MKLN1: variants seen among roughly 807,000 people sequenced by gnomAD.
The protein encoded by MKLN1 is muskelin 1, also known as muskelin.
MKLN1 carries 18 observed loss-of-function variants against 99.0 expected under a neutral mutation model. The observed-to-expected ratio is 0.18, with a 90% CI of 0.13 to 0.27. The LOEUF (loss-of-function observed/expected upper bound fraction) is 0.27, where lower values mean the gene tolerates loss of function less well. Ranked by LOEUF, MKLN1 falls within the 10% of genes least tolerant of loss-of-function variation. MKLN1 has a pLI of 1.00. For missense variants in MKLN1, 621 were observed against 875.9 expected (o/e 0.71, Z 3.67); for synonymous variants, 288 against 293.2 (o/e 0.98, Z 0.18).
At chr7:131,326,104 G>A (rs990228611), upstream of MKLN1, among the ~76,000 whole-genome samples, 7 of 152,202 alleles carry the variant, frequency 4.6e-5, no homozygotes, top group Non-Finnish European at 1.0e-4. Context: ...AAGGTAAGAA[G>A]TGGAATTATA....
intron 12 of MKLN1, among the ~76,000 whole-genome samples, chr7:131,457,646 G>C (rs373704636): frequency 6.6e-6 from 1 of 152,010 alleles, no homozygotes. Context: ...CCGGGCACGG[G>C]GGCTCACACC....
intron 3 of MKLN1, among the ~76,000 whole-genome samples, chr7:131,294,158 G>A (rs1028146228): frequency 1.3e-5 from 2 of 152,184 alleles, no homozygotes; most frequent in Non-Finnish European, 2.9e-5. Context: ...CATTTGGTAC[G>A]AATGAAGAAA....
intron 17 of MKLN1, among the ~76,000 whole-genome samples, chr7:131,486,701 G>A (rs1337342051): frequency 6.6e-6 from 1 of 152,054 alleles, no homozygotes; most frequent in Non-Finnish European, 1.5e-5. Flanking sequence ...TTCAGGGATA[G>A]GGGAAATTAT....
At chr7:131,215,446 G>A (rs971846213) in intron 3 of MKLN1, among the ~76,000 whole-genome samples, 1 of 152,106 alleles carries the variant, frequency 6.6e-6, no homozygotes, top group Non-Finnish European at 1.5e-5. Context: ...TCTGGCTCAA[G>A]GGATCCTTCT....
intron 12 of MKLN1, among the ~76,000 whole-genome samples, chr7:131,450,543 C>T (rs1273149657): frequency 1.3e-5 from 2 of 152,134 alleles, no homozygotes; most frequent in Non-Finnish European, 2.9e-5. Context: ...TTATGATGTG[C>T]CCCATTTTAG....
intron 3 of MKLN1, among the ~76,000 whole-genome samples, chr7:131,208,080 C>G (rs976806304): frequency 1.6e-4 from 24 of 152,004 alleles, no homozygotes; most frequent in African/African-American, 5.8e-4. Context: ...GAAAATGCTA[C>G]CATATTATTG....
intron 1 of MKLN1, among the ~76,000 whole-genome samples, chr7:131,114,322 G>C (rs1795242570): frequency 6.6e-6 from 1 of 152,144 alleles, no homozygotes; most frequent in Non-Finnish European, 1.5e-5. Context: ...TCAACATGTT[G>C]AGTTGAAGTG....
intron 14 of MKLN1, among the ~76,000 whole-genome samples, 194 bp from the exon 15 acceptor site, chr7:131,466,079 GTTT>G (rs1331291796): frequency 1.3e-5 from 2 of 152,156 alleles, no homozygotes; most frequent in Non-Finnish European, 2.9e-5. Flanking sequence ...CATATGTGCA[GTTT>G]TTTAAAGTAG....
intron 7 of MKLN1, among the ~76,000 whole-genome samples, chr7:131,412,342 A>G (rs1402157220): frequency 6.6e-6 from 1 of 152,216 alleles, no homozygotes; most frequent in Non-Finnish European, 1.5e-5. Flanking sequence ...ACCTTAAGTT[A>G]TGCAAAATTA....
intron 2 of MKLN1, among the ~76,000 whole-genome samples, chr7:131,164,128 T>G (rs1304698767): frequency 2.0e-5 from 3 of 152,210 alleles, no homozygotes; most frequent in Non-Finnish European, 4.4e-5. Flanking sequence ...TTGTTTTTTC[T>G]TGAGACAGGG....
intron 3 of MKLN1, among the ~76,000 whole-genome samples, chr7:131,241,736 C>T (rs910501950): frequency 2.0e-5 from 3 of 152,240 alleles, no homozygotes; most frequent in African/African-American, 7.2e-5. Context: ...TTTTAGCTTT[C>T]ATCTGAATTA....
chr7:131,283,346 CTCCT>C (rs1175927858), intron 3 of MKLN1, among the ~76,000 whole-genome samples: 125 of 51,434 alleles, frequency 2.4e-3, no homozygotes, highest in African/African-American at 7.5e-3. Context: ...TTCCCTTCCC[CTCCT>C]TCCTTCCTTC....
rs1001483569 is a variant in MKLN1, at chr7:131,282,349, C to CAA, written c.-179+79394_-179+79395dup. On this transcript the variant is annotated intron_variant, in intron 3 of 7. Transcript: ENST00000416992. The stretch of plus-strand genomic sequence containing the variant: ...GGGCAACAAGAGTGAAACTCCGTCT[C>CAA]AAAAAAAAAAAAAAAAAAAAGAAAG... 5.9e-3 allele frequency among the ~76,000 whole-genome samples: 388 copies of CAA among 65,560 alleles called. 2 individuals carry two copies. The highest frequency in any genetic ancestry group is 0.01 in the Non-Finnish European group (309 of 29,828). 43.0% of individuals were successfully genotyped at this position (65,560 alleles called of 152,430 possible).
chr7:131,382,355 C>T (rs1023917948), intron 2 of MKLN1, among the ~76,000 whole-genome samples: 1 of 150,978 alleles, frequency 6.6e-6, no homozygotes, highest in Non-Finnish European at 1.5e-5. Flanking sequence ...ACAGACAAGG[C>T]GAGAATCTTT....
At chr7:131,402,432 A>C (rs909526104) in intron 6 of MKLN1, among the ~76,000 whole-genome samples, 15 of 152,188 alleles carry the variant, frequency 9.9e-5, no homozygotes, top group African/African-American at 3.6e-4. Context: ...TGAGCATTGG[A>C]ATCAACTTCT....
At chr7:131,116,629 A>C (rs774480021) in intron 1 of MKLN1, among the ~76,000 whole-genome samples, 33 of 152,054 alleles carry the variant, frequency 2.2e-4, no homozygotes, top group Non-Finnish European at 3.7e-4. Flanking sequence ...TATCTGATAG[A>C]ACATGGAAAT....
At chr7:131,227,059 C>G (rs537565396) in intron 3 of MKLN1, among the ~76,000 whole-genome samples, 1 of 152,296 alleles carries the variant, frequency 6.6e-6, no homozygotes, top group African/African-American at 2.4e-5. Context: ...CTTCTATGGT[C>G]GACCTCAAAT....
intron 3 of MKLN1, among the ~76,000 whole-genome samples, chr7:131,311,893 T>G (rs1014985701): frequency 4.6e-5 from 7 of 152,172 alleles, no homozygotes; most frequent in African/African-American, 1.7e-4. Context: ...TTAAAAATCT[T>G]ATTCAAAAGA....
intron 1 of MKLN1, among the ~76,000 whole-genome samples, chr7:131,375,075 A>G (rs976509763): frequency 6.6e-6 from 1 of 152,076 alleles, no homozygotes; most frequent in Non-Finnish European, 1.5e-5. Flanking sequence ...CTGAGGTTAC[A>G]GACGTGTGCC....
Sources: gnomAD v4.1 joint callset for allele counts (sites outside exome capture counted in the v4.1 genomes callset) on GRCh38, gnomAD v4.1.1 for gene constraint, MANE v1.5 for transcripts, NCBI Gene and HGNC (gene_info 2026-07-23, HGNC 2026-07-21) for gene names.